RHOBTB2: variants seen among roughly 807,000 people sequenced by gnomAD.
The protein encoded by RHOBTB2 is rho-related BTB domain-containing protein 2.
A neutral mutation model predicts 66.5 loss-of-function variants in RHOBTB2; 39 were observed. The observed-to-expected ratio is 0.59, with a 90% confidence interval of 0.45 to 0.77. The LOEUF (loss-of-function observed/expected upper bound fraction) is 0.77, where lower values mean the gene tolerates loss of function less well. RHOBTB2 is among the 30% of genes least tolerant of loss of function. The pLI is 0.00. For synonymous variants in RHOBTB2, 390 were observed against 395.0 expected, an observed-to-expected ratio of 0.99 and a Z score of 0.15; for missense variants, 755 against 999.1, an observed-to-expected ratio of 0.76 and a Z score of 3.29.
upstream of RHOBTB2, among the ~76,000 whole-genome samples, chr8:22,995,661 T>C (rs554165935): frequency 1.3e-5 from 2 of 152,356 alleles, no homozygotes; most frequent in East Asian, 3.9e-4. Context: ...CTCTAGGCTT[T>C]CCAGATTCAG....
intron 1 of RHOBTB2, among the ~76,000 whole-genome samples, chr8:23,002,303 A>G (rs751021466): frequency 7.2e-5 from 11 of 152,190 alleles, no homozygotes; most frequent in African/African-American, 9.7e-5. Context: ...ACATTCCTCA[A>G]CTTGAGATCA....
chr8:22,963,819 T>C, the RHOBTB2 span, among the ~76,000 whole-genome samples: 1 of 152,098 alleles, frequency 6.6e-6, no homozygotes, highest in Non-Finnish European at 1.5e-5. Flanking sequence ...TTTGCTCTTG[T>C]TGCCCAGGCT....
the RHOBTB2 span, among the ~76,000 whole-genome samples, chr8:22,960,771 A>G: frequency 3.3e-5 from 5 of 152,210 alleles, no homozygotes; most frequent in African/African-American, 1.2e-4. Context: ...ATGAATTAGT[A>G]TGTCTTAAGG....
chr8:23,014,201 TG>T (rs896646706), intron 7 of RHOBTB2, among the ~76,000 whole-genome samples: 25 of 152,326 alleles, frequency 1.6e-4, no homozygotes, highest in African/African-American at 5.8e-4. Flanking sequence ...GAACCAAGGG[TG>T]TTTACTTCTT....
the RHOBTB2 span, among the ~76,000 whole-genome samples, chr8:22,966,530 A>C: frequency 6.6e-6 from 1 of 152,106 alleles, no homozygotes; most frequent in African/African-American, 2.4e-5. Context: ...CATGCCCGTA[A>C]TCCCAGCACT....
At chr8:22,979,191 C>T in the RHOBTB2 span, among the ~76,000 whole-genome samples, 4 of 152,174 alleles carry the variant, frequency 2.6e-5, no homozygotes, top group Non-Finnish European at 5.9e-5. Context: ...AATAAAAGAT[C>T]TTTCCAAACA....
At chr8:23,014,854 G>A in intron 8 of RHOBTB2, 76 bp downstream of exon 8, 2 of 1,223,714 alleles carry the variant, frequency 1.6e-6, no homozygotes, top group Non-Finnish European at 2.4e-6. Flanking sequence ...GAATGGGAAG[G>A]GGTGGAAGAT....
At chr8:22,962,652 G>A in the RHOBTB2 span, among the ~76,000 whole-genome samples, 5 of 152,206 alleles carry the variant, frequency 3.3e-5, no homozygotes, top group African/African-American at 1.2e-4. Context: ...AAGCCACTGA[G>A]AACAACATAG....
the RHOBTB2 span, among the ~76,000 whole-genome samples, chr8:22,979,417 C>G: frequency 6.6e-6 from 1 of 152,052 alleles, no homozygotes; most frequent in African/African-American, 2.4e-5. Flanking sequence ...TGTAATAGTT[C>G]TTTCTATCCT....
the RHOBTB2 span, among the ~76,000 whole-genome samples, chr8:22,954,771 C>A: frequency 5.1e-4 from 77 of 152,220 alleles, no homozygotes; most frequent in African/African-American, 1.8e-3. Flanking sequence ...AGAAAAAAAA[C>A]CACAAACTGT....
chr8:23,006,221 T>C lies in RHOBTB2; in HGVS notation c.482+76T>C. On this transcript the variant is annotated intron_variant, in intron 4 of 9. Coordinates refer to ENST00000251822, the MANE Select transcript of RHOBTB2 (RefSeq NM_015178.3). This position sits in a 1 kb window ranked among gnomAD's most constrained non-coding sequence, Gnocchi z 6.1. ...GGCTCCCTGCTCAGCCCTGGGGGAA[T>C]TCCACTGAGCCTCATATCTCTCCCT... 4 of 1,291,766 alleles carry C rather than the reference T, an allele frequency of 3.1e-6. No homozygotes were observed. The South Asian group carries it at 5.3e-5, about 17-fold the overall frequency. The allele number at this position is 1,291,766 out of a possible 1,614,324, so 80.0% of individuals were successfully genotyped here.
Position 22,999,979 on chromosome 8 carries a change from G to T in RHOBTB2, c.-137G>T, listed in dbSNP as rs1376403142. On this transcript the variant is annotated 5_prime_UTR_variant, in exon 1 of 10. Coordinates refer to ENST00000251822, the MANE Select transcript of RHOBTB2 (RefSeq NM_015178.3). ...CGGGAGGCTGGAGCCCAGCAGCAGC[G>T]CGGCGGCGCCGGCGTCGTCCCAACT... The T allele has an allele frequency of 1.0e-6, 1 of 985,466 alleles. No homozygotes were observed. Among genetic ancestry groups the T allele is most frequent in the Admixed American group, 6.1e-5 (1 of 16,266 alleles). The allele number at this position is 985,466 out of a possible 1,614,324, so 61.0% of individuals were successfully genotyped here. A position where few individuals can be genotyped will look rare whatever the true frequency, so the allele number is the denominator to read the frequency against.
chr8:22,994,691 A>G (rs1279490395), upstream of RHOBTB2: 1 of 1,441,368 alleles, frequency 6.9e-7, no homozygotes, highest in Non-Finnish European at 9.5e-7. Context: ...TGATTCATCC[A>G]TCGAGCATTT....
chr8:23,020,124 C>A lies in RHOBTB2; in HGVS notation c.*2655C>A, dbSNP rs1257720723. ...GAGGTTGGGGGGCGGGAGACAAAAACCACACCTCTTTTTATATAAGGTTTC... is the reference window on the plus strand; with the variant it reads ...GAGGTTGGGGGGCGGGAGACAAAAAACACACCTCTTTTTATATAAGGTTTC... On this transcript the variant is annotated 3_prime_UTR_variant, in exon 10 of 10. Coordinates refer to ENST00000251822, the MANE Select transcript of RHOBTB2 (RefSeq NM_015178.3). 1.1e-5 allele frequency: 4 copies of A among 376,356 alleles called. No homozygotes were observed. Among genetic ancestry groups the A allele is most frequent in the South Asian group, 8.1e-5 (4 of 49,246 alleles). The allele number at this position is 376,356 out of a possible 1,614,324, so 23.3% of individuals were successfully genotyped here.
rs185392421 is a variant in RHOBTB2 at position 23,005,534 on chromosome 8, T to C, written c.296+59T>C. The C allele has an allele frequency of 4.7e-4, 539 of 1,139,844 alleles. 2 individuals are homozygous for C. In the African/African-American group the frequency reaches 7.1e-3, roughly 15 times the overall value. 70.6% of individuals were successfully genotyped at this position (1,139,844 alleles called of 1,614,324 possible). ...AACAGGGTGGGTTTTTCCCTGCTTT[T>C]CCCAGGAACAAAGCACCTCTGTGAA... On this transcript the variant is annotated intron_variant, in intron 3 of 9. Coordinates refer to ENST00000251822, the MANE Select transcript of RHOBTB2 (RefSeq NM_015178.3).
At chr8:22,983,592 T>C, upstream of RHOBTB2, among the ~76,000 whole-genome samples, 1 of 152,188 alleles carries the variant, frequency 6.6e-6, no homozygotes, top group African/African-American at 2.4e-5. Flanking sequence ...GTTTTGGTGA[T>C]GGTTATCATA....
chr8:23,012,405 C>T (rs753512675), intron 7 of RHOBTB2, among the ~76,000 whole-genome samples: 3 of 152,096 alleles, frequency 2.0e-5, no homozygotes, highest in African/African-American at 2.4e-5. Flanking sequence ...ATGAAATTAT[C>T]GATACACACT....
chr8:22,956,947 A>T, the RHOBTB2 span, among the ~76,000 whole-genome samples: 746 of 152,310 alleles, frequency 4.9e-3, 4 homozygotes, highest in Non-Finnish European at 7.4e-3. Context: ...GGCATGAGCT[A>T]CGGTGCCCAG....
Position 23,017,593 on chromosome 8 carries a change from G to T in RHOBTB2, c.*124G>T. The T allele has an allele frequency of 7.0e-7, 1 of 1,436,042 alleles. No individual in the cohort carries two copies. Among genetic ancestry groups the T allele is most frequent in the Non-Finnish European group, 9.3e-7 (1 of 1,072,326 alleles). The allele number at this position is 1,436,042 out of a possible 1,614,324, so 89.0% of individuals were successfully genotyped here. A position where few individuals can be genotyped will look rare whatever the true frequency, so the allele number is the denominator to read the frequency against. On this transcript the variant is annotated 3_prime_UTR_variant, in exon 10 of 10. Transcript: ENST00000251822. This position sits in a 1 kb window ranked among gnomAD's most constrained non-coding sequence, Gnocchi z 5.3. ...GGCCCACGTAACCAGGACCCAGAGG[G>T]TGGAGCTCTTCTTACCAGCCACCGT...
Sources: allele counts gnomAD v4.1 joint callset (sites outside exome capture counted in the v4.1 genomes callset), GRCh38; gene constraint gnomAD v4.1.1; non-coding constraint Gnocchi (gnomAD v3.1); transcripts MANE v1.5; gene names NCBI Gene and HGNC (gene_info 2026-07-23, HGNC 2026-07-21).